The following PECR variants were observed in gnomAD, a reference collection of about 807,000 sequenced individuals.
PECR encodes the protein peroxisomal trans-2-enoyl-CoA reductase.
A neutral mutation model predicts 35.3 loss-of-function variants in PECR; 30 were observed. The ratio of observed to expected loss-of-function variants is 0.85; its 90% CI spans 0.64 to 1.15. PECR has a LOEUF of 1.15. PECR is among the 50% of genes most tolerant of loss of function. The pLI is 0.00. For missense variants in PECR, 392 were observed against 370.8 expected, an observed-to-expected ratio of 1.06 and a Z score of -0.47; for synonymous variants, 148 against 138.9, an observed-to-expected ratio of 1.07 and a Z score of -0.46.
intron 4 of PECR, 27 bp downstream of exon 4, chr2:216,058,868 G>T (rs1185815684): frequency 2.2e-6 from 3 of 1,342,734 alleles, no homozygotes; most frequent in South Asian, 1.2e-5. Flanking sequence ...CAAAGACTTA[G>T]AAAGAAAACT....
At chr2:216,059,344 C>T (rs921789025) in intron 3 of PECR, among the ~76,000 whole-genome samples, 1 of 152,202 alleles carries the variant, frequency 6.6e-6, no homozygotes, top group Non-Finnish European at 1.5e-5. Flanking sequence ...AAGTGAATCA[C>T]ACAATACGTG....
intron 3 of PECR, among the ~76,000 whole-genome samples, chr2:216,063,483 T>C (rs1050356685): frequency 6.6e-6 from 1 of 151,830 alleles, no homozygotes; most frequent in Non-Finnish European, 1.5e-5. Context: ...CCAGATGTGG[T>C]GGTGAATGCC....
intron 4 of PECR, among the ~76,000 whole-genome samples, chr2:216,054,954 T>C (rs981484511): frequency 1.3e-5 from 2 of 150,782 alleles, no homozygotes; most frequent in South Asian, 4.2e-4. Flanking sequence ...CTACTAAAAA[T>C]ACAAAAAGTT....
At chr2:216,061,298 T>G (rs1695342321) in intron 3 of PECR, among the ~76,000 whole-genome samples, 1 of 89,568 alleles carries the variant, frequency 1.1e-5, no homozygotes, top group South Asian at 3.9e-4. Context: ...GGTGACAGAG[T>G]GAAACCCTGT....
intron 4 of PECR, chr2:216,057,728 C>T (rs1695257409): frequency 6.6e-6 from 1 of 152,098 alleles, no homozygotes; most frequent in Admixed American, 6.6e-5. Context: ...GTTCTCAGTC[C>T]ATGTCTGAGC....
rs201227152 is a variant in PECR, at chr2:216,030,958, A to T, written c.*440+8233T>A. On this transcript the variant is annotated intron_variant and NMD_transcript_variant, in intron 7 of 7. Coordinates refer to the PECR transcript ENST00000442122. ...CTCTCTCTCTCTCTCTCTCTCTCTC[A>T]CACACACACACACACACACACACAC... 8.9e-3 allele frequency among the ~76,000 whole-genome samples: 928 copies of T among 104,586 alleles called. 6 individuals are homozygous for T. The highest frequency in any genetic ancestry group is 0.014 in the Middle Eastern group (3 of 218). 68.6% of individuals were successfully genotyped at this position (104,586 alleles called of 152,430 possible).
chr2:216,066,351 G>A (rs1695465211), intron 2 of PECR, 34 bp downstream of exon 2: 1 of 1,583,064 alleles, frequency 6.3e-7, no homozygotes, highest in Admixed American at 1.7e-5. Flanking sequence ...AAATTACAAT[G>A]AATGAATAAA....
intron 4 of PECR, among the ~76,000 whole-genome samples, chr2:216,054,371 CTTTTTTTTT>C (rs34214360): frequency 0.028 from 2,869 of 102,852 alleles, 109 homozygotes; most frequent in African/African-American, 0.095. Flanking sequence ...TTTTTTCTTT[CTTTTTTTTT>C]TTTTTTTTTT....
At chr2:216,035,412 G>A (rs1694777541), downstream of PECR, among the ~76,000 whole-genome samples, 1 of 151,898 alleles carries the variant, frequency 6.6e-6, no homozygotes, top group Non-Finnish European at 1.5e-5. Context: ...TGACTTCTCT[G>A]CCCTCCACTG....
At chr2:216,036,053 G>A (rs1694788384), downstream of PECR, among the ~76,000 whole-genome samples, 1 of 152,218 alleles carries the variant, frequency 6.6e-6, no homozygotes, top group South Asian at 2.1e-4. Context: ...ACTATCTGGG[G>A]GCTATAGAAA....
chr2:216,070,248 G>A (rs1028249069), intron 1 of PECR, among the ~76,000 whole-genome samples: 4 of 152,070 alleles, frequency 2.6e-5, no homozygotes, highest in African/African-American at 7.2e-5. Context: ...ATATATTGTG[G>A]AATGATGAAA....
rs146431905 is a variant in PECR, at chr2:216,081,707, G to A, written c.35C>T (p.Ala12Val). 1 of 1,613,572 alleles carries A rather than the reference G, an allele frequency of 6.2e-7. No individual in the cohort carries two copies. The highest frequency in any genetic ancestry group is 2.2e-5 in the East Asian group (1 of 44,880). ...CACTTGGCCCTGCAGCAAACCAGGC[G>A]CCAGGTAGCTCCTGCCCTTAGCCCA... ...ASWAKGRSYLAPGLLQGQVAI... is the reference protein window; with the variant it reads ...ASWAKGRSYLVPGLLQGQVAI... The change falls in exon 1 of 8, where the codon GCG becomes GTG. Residue 12 changes from alanine (A) to valine (V), a missense_variant. Ala to Val is a moderately conservative substitution (Grantham distance 64). Transcript: ENST00000265322.
In PECR at chr2:216,048,168, G is replaced by A. The variant is rs1015958634; in HGVS notation, c.714+1095C>T. Among the ~76,000 whole-genome samples, 14 of 151,628 alleles carry A rather than the reference G, an allele frequency of 9.2e-5. No homozygotes were observed. In the East Asian group the frequency reaches 9.7e-4, roughly 11 times the overall value. ...CAGCTCACTGCAAGCTCCGCCTCCC[G>A]GGTTCACACCATTCTCCTGCCTCAG... On this transcript the variant is annotated intron_variant, in intron 6 of 7. Coordinates refer to ENST00000265322, the MANE Select transcript of PECR (RefSeq NM_018441.6).
intron 1 of PECR, among the ~76,000 whole-genome samples, chr2:216,077,767 A>G (rs3096462): frequency 6.7e-6 from 1 of 149,680 alleles, no homozygotes; most frequent in Non-Finnish European, 1.5e-5. Context: ...AGATCGTGCC[A>G]CTGTACTCCA....
intron 7 of PECR, among the ~76,000 whole-genome samples, 190 bp from the exon 8 acceptor site, chr2:216,039,550 T>C (rs1694852968): frequency 6.6e-6 from 1 of 152,250 alleles, no homozygotes; most frequent in Non-Finnish European, 1.5e-5. Context: ...CTTTCCTGAA[T>C]TTGGGCACAT....
At chr2:216,058,067 T>G (rs1695262697) in intron 4 of PECR, 1 of 152,180 alleles carries the variant, frequency 6.6e-6, no homozygotes, top group Non-Finnish European at 1.5e-5. Context: ...CTGCTAACAT[T>G]GTGGCTGAAC....
chr2:216,037,845 G>A (rs1486718746), downstream of PECR, among the ~76,000 whole-genome samples: 1 of 151,972 alleles, frequency 6.6e-6, no homozygotes, highest in Middle Eastern at 3.2e-3. Context: ...AGCAATTTGG[G>A]AGGCCAAAGC....
Position 216,051,418 on chromosome 2 carries a change from C to A in PECR, c.603+31G>T, listed in dbSNP as rs1343730392. 2.4e-6 allele frequency: 3 copies of A among 1,274,684 alleles called. No individual in the cohort carries two copies. The Admixed American group carries it at 5.0e-5, about 21-fold the overall frequency. 79.0% of individuals were successfully genotyped at this position (1,274,684 alleles called of 1,614,324 possible). Reference sequence around the variant, plus strand: ...AATGGAATCAGAAAGCATAATTTGTCAATAAATTTCAATATAGATCGTTTA... The same window carrying A: ...AATGGAATCAGAAAGCATAATTTGTAAATAAATTTCAATATAGATCGTTTA... On this transcript the variant is annotated intron_variant, in intron 5 of 7. Coordinates refer to ENST00000265322, the MANE Select transcript of PECR (RefSeq NM_018441.6).
chr2:216,029,737 T>C (rs148691532), intron 7 of PECR, among the ~76,000 whole-genome samples: 13 of 152,242 alleles, frequency 8.5e-5, no homozygotes, highest in Non-Finnish European at 1.8e-4. Context: ...AGGGCCAGAA[T>C]AGTCCAGTAT....
Sources: allele counts gnomAD v4.1 joint callset (sites outside exome capture counted in the v4.1 genomes callset), GRCh38; gene constraint gnomAD v4.1.1; transcripts MANE v1.5; gene names NCBI Gene and HGNC (gene_info 2026-07-23, HGNC 2026-07-21).